Variants in ARHGEF10 observed in about 807,000 individuals in gnomAD.
ARHGEF10 encodes Rho guanine nucleotide exchange factor 10.
Under a neutral mutation model 147.4 loss-of-function variants are expected in ARHGEF10, and 140 were observed. That is an observed-to-expected ratio of 0.95 (90% CI 0.83 to 1.09). The LOEUF is 1.09. ARHGEF10 is among the 50% of genes least tolerant of loss of function. The probability of loss-of-function intolerance (pLI) is 0.00; values close to 1 mark genes in which losing one functional copy is unlikely to be tolerated. For synonymous variants in ARHGEF10, 902 were observed against 695.8 expected (o/e 1.30, Z -4.67); for missense variants, 2,222 against 1,752.7 (o/e 1.27, Z -4.78).
Position 1,896,467 on chromosome 8 carries a change from TC to T in ARHGEF10, c.1557+19del. ...TTTTAAAGGTAAGCGCTTTTTTTTT[TC>T]ATTTGGGTTTTAACACCATCTGATA... On this transcript the variant is annotated intron_variant, in intron 14 of 28. Transcript: ENST00000349830. 1 of 1,550,748 alleles carries T rather than the reference TC, an allele frequency of 6.4e-7. No homozygotes were observed. The highest frequency in any genetic ancestry group is 2.2e-5 in the East Asian group (1 of 44,596).
At chr8:1,854,115 A>G (rs1805367449) in intron 2 of ARHGEF10, among the ~76,000 whole-genome samples, 1 of 152,152 alleles carries the variant, frequency 6.6e-6, no homozygotes, top group Non-Finnish European at 1.5e-5. Context: ...TCACTAAGGG[A>G]CCTGGGGAGC....
chr8:1,849,467 GAC>G lies in ARHGEF10; in HGVS notation c.37+6033_37+6034del, dbSNP rs1219898030. On this transcript the variant is annotated intron_variant, in intron 2 of 28. Coordinates refer to ENST00000349830, the MANE Select transcript of ARHGEF10 (RefSeq NM_014629.4). ...GGCGTGGGGCGGCCACATGGACACA[GAC>G]AGCAAATGCTGAGGGGGGCGTGGGG... Among the ~76,000 whole-genome samples, 5 of 146,950 alleles carry G rather than the reference GAC, an allele frequency of 3.4e-5. No individual in the cohort carries two copies. In the East Asian group the frequency reaches 1.1e-3, roughly 31 times the overall value.
Position 1,878,314 on chromosome 8 carries a change from C to T in ARHGEF10, c.843+1580C>T, listed in dbSNP as rs150588524. On this transcript the variant is annotated intron_variant, in intron 8 of 28. Transcript: ENST00000349830. ...AAGTAATTCTCCTGCCTCAGCCTCT[C>T]AAGTAGCTGGGATTATAGGCACCTT... Among the ~76,000 whole-genome samples, 3 of 152,218 alleles carry T rather than the reference C, an allele frequency of 2.0e-5. No homozygotes were observed. In the East Asian group the frequency reaches 5.8e-4, roughly 29 times the overall value.
At chr8:1,894,701 A>T in intron 13 of ARHGEF10, 129 bp downstream of exon 13, 1 of 1,049,096 alleles carries the variant, frequency 9.5e-7, no homozygotes, top group South Asian at 1.3e-5. Context: ...TCTAAAGGCC[A>T]GGCTGAAGTT....
intron 4 of ARHGEF10, among the ~76,000 whole-genome samples, chr8:1,863,143 G>C (rs1806288789): frequency 6.6e-6 from 1 of 152,160 alleles, no homozygotes; most frequent in African/African-American, 2.4e-5. Context: ...TTTTGGAGCA[G>C]GCAGATTGGA....
At chr8:1,838,974 G>A (rs1585221738) in intron 1 of ARHGEF10, among the ~76,000 whole-genome samples, 1 of 150,626 alleles carries the variant, frequency 6.6e-6, no homozygotes, top group East Asian at 2.0e-4. Context: ...CTGGCGTGGG[G>A]ACTCTCTGGC....
intron 1 of ARHGEF10, among the ~76,000 whole-genome samples, chr8:1,829,693 T>C (rs1406292175): frequency 6.6e-6 from 1 of 152,160 alleles, no homozygotes; most frequent in African/African-American, 2.4e-5. Context: ...GGTCCTGTGT[T>C]ATGTAGAATA....
At chr8:1,905,467 A>G in intron 16 of ARHGEF10, 104 bp from the exon 17 acceptor site, 1 of 1,412,918 alleles carries the variant, frequency 7.1e-7, no homozygotes, top group East Asian at 2.3e-5. Context: ...TAAAGCGCTC[A>G]GTTTGGAAAA....
At chr8:1,912,622 C>T (rs2129188804) in intron 18 of ARHGEF10, among the ~76,000 whole-genome samples, 1 of 124,556 alleles carries the variant, frequency 8.0e-6, no homozygotes. Flanking sequence ...TGGTGTTCGA[C>T]ATCCGGAGTT....
rs774258882 is a variant in ARHGEF10 at position 1,893,621 on chromosome 8, T to A, written c.1235T>A (p.Val412Glu). 1 of 1,613,214 alleles carries A rather than the reference T, an allele frequency of 6.2e-7. No homozygotes were observed. The highest frequency in any genetic ancestry group is 8.5e-7 in the Non-Finnish European group (1 of 1,179,258). ...GSVVDSEKNYVDALKRILEQY... is the reference protein window; with the variant it reads ...GSVVDSEKNYEDALKRILEQY... ...GTTGTCGACAGTGAAAAGAACTACG[T>A]AGATGCTCTTAAGAGGATTTTGGAG... The change falls in exon 12 of 29, where the codon GTA (valine) becomes GAA (glutamate). Residue 412 changes from valine to glutamate, a missense_variant. By Grantham distance (121) the Val-to-Glu change is moderately radical. Coordinates refer to ENST00000349830, the MANE Select transcript of ARHGEF10 (RefSeq NM_014629.4).
chr8:1,910,435 C>G (rs1370822506), intron 18 of ARHGEF10, among the ~76,000 whole-genome samples: 1 of 152,180 alleles, frequency 6.6e-6, no homozygotes, highest in Non-Finnish European at 1.5e-5. Context: ...GCCTAGTAGG[C>G]TAATTCGTCA....
chr8:1,854,211 G>A (rs985650208), intron 2 of ARHGEF10, among the ~76,000 whole-genome samples: 1 of 152,200 alleles, frequency 6.6e-6, no homozygotes, highest in African/African-American at 2.4e-5. Context: ...CACCTTGAAC[G>A]CCCGGCCCCA....
chr8:1,924,056 A>T (rs1457074547), intron 21 of ARHGEF10, among the ~76,000 whole-genome samples, 182 bp downstream of exon 21: 10 of 152,222 alleles, frequency 6.6e-5, no homozygotes, highest in Admixed American at 5.9e-4. Flanking sequence ...TTCATATTAA[A>T]ATAGAGGGAT....
chr8:1,892,164 G>A (rs1212615658), intron 11 of ARHGEF10, among the ~76,000 whole-genome samples: 1 of 151,868 alleles, frequency 6.6e-6, no homozygotes, highest in East Asian at 1.9e-4. Context: ...GATGATGGGA[G>A]GGGTTGCTTG....
chr8:1,843,568 G>C (rs937324217), intron 2 of ARHGEF10, 132 bp downstream of exon 2: 5 of 763,344 alleles, frequency 6.6e-6, no homozygotes, highest in Non-Finnish European at 1.1e-5. Context: ...TTGGGAGAAA[G>C]AGAAGGTTCT....
chr8:1,954,787 T>A (rs1815345312), intron 28 of ARHGEF10, among the ~76,000 whole-genome samples: 3 of 152,256 alleles, frequency 2.0e-5, no homozygotes, highest in Admixed American at 2.0e-4. Flanking sequence ...CCTTTCCGGC[T>A]TTTGCATTTT....
chr8:1,957,598 C>A lies in ARHGEF10; in HGVS notation c.*335C>A. The A allele has an allele frequency of 5.7e-6, 2 of 353,484 alleles. No individual in the cohort carries two copies. Among genetic ancestry groups the A allele is most frequent in the Non-Finnish European group, 5.2e-6 (1 of 192,806 alleles). 21.9% of individuals were successfully genotyped at this position (353,484 alleles called of 1,614,324 possible). A position where few individuals can be genotyped will look rare whatever the true frequency, so the allele number is the denominator to read the frequency against. On this transcript the variant is annotated 3_prime_UTR_variant, in exon 29 of 29. Transcript: ENST00000349830. ...ATGTTAAACTTCATCAGCGTCAGAC[C>A]TATTGTATCATATTAGAGAATTTGC...
chr8:1,905,114 G>T (rs1355529307), intron 16 of ARHGEF10, among the ~76,000 whole-genome samples: 1 of 152,146 alleles, frequency 6.6e-6, no homozygotes, highest in African/African-American at 2.4e-5. Flanking sequence ...GGGTAACAGA[G>T]CGAGGCTTGG....
At chr8:1,940,214 T>C (rs1201187636) in intron 26 of ARHGEF10, among the ~76,000 whole-genome samples, 2 of 152,192 alleles carry the variant, frequency 1.3e-5, no homozygotes, top group East Asian at 3.8e-4. Context: ...GGTTGTTTGT[T>C]TTGCTTTTTA....
Sources: allele counts gnomAD v4.1 joint callset (sites outside exome capture counted in the v4.1 genomes callset), GRCh38; gene constraint gnomAD v4.1.1; transcripts MANE v1.5; gene names NCBI Gene and HGNC (gene_info 2026-07-23, HGNC 2026-07-21).